PCDH11X: variants seen among roughly 807,000 people sequenced by gnomAD.
PCDH11X encodes the protein protocadherin-11 X-linked.
PCDH11X carries 18 observed loss-of-function variants against 53.3 expected under a neutral mutation model. That is an observed-to-expected ratio of 0.34 (90% CI 0.23 to 0.50). The LOEUF is 0.50. Among genes scored for constraint, PCDH11X ranks in the 20% least tolerant of loss-of-function variants. The probability of loss-of-function intolerance (pLI) is 0.98; values close to 1 mark genes in which losing one functional copy is unlikely to be tolerated. For synonymous variants in PCDH11X, 279 were observed against 393.3 expected, an observed-to-expected ratio of 0.71 and a Z score of 3.44; for missense variants, 570 against 1,032.4, an observed-to-expected ratio of 0.55 and a Z score of 6.14.
chrX:92,568,847 C>A (rs781383588), intron 10 of PCDH11X, among the ~76,000 whole-genome samples: 58 of 110,827 alleles, frequency 5.2e-4, no homozygotes, highest in Admixed American at 1.9e-3. Context: ...TTTAAAAATA[C>A]GCTACTGCAT....
At chrX:91,963,348 T>C (rs1052998422) in intron 6 of PCDH11X, among the ~76,000 whole-genome samples, 1 of 109,459 alleles carries the variant, frequency 9.1e-6, no homozygotes, top group Non-Finnish European at 1.9e-5. Context: ...CCCTAAATCA[T>C]CTCTTTCAAG....
intron 9 of PCDH11X, among the ~76,000 whole-genome samples, chrX:92,404,679 G>T (rs1008836161): frequency 1.2e-4 from 13 of 105,755 alleles, no homozygotes; most frequent in African/African-American, 3.8e-4. Context: ...GACTTTTAAG[G>T]AAAAATTATA....
At chrX:92,261,797 G>A (rs958360524) in intron 7 of PCDH11X, among the ~76,000 whole-genome samples, 2 of 111,581 alleles carry the variant, frequency 1.8e-5, no homozygotes, top group East Asian at 2.8e-4. Context: ...TTCATAATAA[G>A]GAGAGATATA....
intron 6 of PCDH11X, among the ~76,000 whole-genome samples, chrX:92,077,622 GAGGAAGGA>G (rs768755254): frequency 0.29 from 27,383 of 95,914 alleles, 3,297 homozygotes; most frequent in Admixed American, 0.37. Context: ...GGAAGGAAGG[GAGGAAGGA>G]AGGAAGGAAG....
At chrX:92,217,853 C>T (rs771348973) in intron 7 of PCDH11X, among the ~76,000 whole-genome samples, 32 of 111,356 alleles carry the variant, frequency 2.9e-4, no homozygotes, top group Middle Eastern at 9.3e-3. Context: ...AACAAACTGT[C>T]TCTCAGACCA....
rs938455699 is a variant in PCDH11X at position 92,619,669 on chromosome X, C to A, written c.*729C>A. On this transcript the variant is annotated 3_prime_UTR_variant, in exon 11 of 11. Coordinates refer to ENST00000682573, the MANE Select transcript of PCDH11X (RefSeq NM_032968.5). ...TCGAGACACAGAAGTGCAATAACTG[C>A]CCTAATTAAGCAACTATTTGTTAAA... 3 of 110,246 alleles carry A rather than the reference C, an allele frequency of 2.7e-5. No homozygotes were observed. Among genetic ancestry groups the A allele is most frequent in the Non-Finnish European group, 3.8e-5 (2 of 52,773 alleles). The allele number at this position is 110,246 out of a possible 1,213,427, so 9.1% of individuals were successfully genotyped here. A position where few individuals can be genotyped will look rare whatever the true frequency, so the allele number is the denominator to read the frequency against.
intron 6 of PCDH11X, among the ~76,000 whole-genome samples, chrX:92,084,236 G>C (rs1228404851): frequency 2.7e-5 from 3 of 110,808 alleles, no homozygotes; most frequent in African/African-American, 9.8e-5. Flanking sequence ...TTTAGTAATA[G>C]TCTAGTTTTT....
intron 6 of PCDH11X, chrX:91,983,015 T>C (rs1447230475): frequency 1.7e-6 from 2 of 1,186,745 alleles, no homozygotes; most frequent in African/African-American, 3.5e-5. Context: ...TCTGGGTCAC[T>C]CCGGACTTTG....
rs190653436 is a variant in PCDH11X at position 92,334,372 on chromosome X, A to G, written c.3145-53363A>G. Among the ~76,000 whole-genome samples the G allele has an allele frequency of 6.7e-3, 744 of 111,703 alleles. 8 individuals carry two copies. Among genetic ancestry groups the G allele is most frequent in the African/African-American group, 0.024 (724 of 30,722 alleles). ...CACTGTACTACTGTAATAATTTCATAGTCACCTCCTATTTCTATTACAGTG... is the reference window on the plus strand; with the variant it reads ...CACTGTACTACTGTAATAATTTCATGGTCACCTCCTATTTCTATTACAGTG... On this transcript the variant is annotated intron_variant, in intron 8 of 10. Coordinates refer to ENST00000682573, the MANE Select transcript of PCDH11X (RefSeq NM_032968.5).
chrX:92,225,542 T>G (rs1418980755), intron 7 of PCDH11X, among the ~76,000 whole-genome samples: 1 of 111,534 alleles, frequency 9.0e-6, no homozygotes, highest in Non-Finnish European at 1.9e-5. Flanking sequence ...ATAAGTAATA[T>G]GCTGTGTCCA....
chrX:92,116,802 G>C (rs2064648376), intron 6 of PCDH11X, among the ~76,000 whole-genome samples: 1 of 110,500 alleles, frequency 9.0e-6, no homozygotes, highest in Admixed American at 9.7e-5. Context: ...TGCCCAGGCT[G>C]GTCTTGAACT....
intron 8 of PCDH11X, among the ~76,000 whole-genome samples, chrX:92,307,221 T>C (rs2148477060): frequency 9.2e-6 from 1 of 109,164 alleles, no homozygotes; most frequent in East Asian, 2.9e-4. Flanking sequence ...CAACAAACAT[T>C]AGCAAACCAA....
intron 8 of PCDH11X, among the ~76,000 whole-genome samples, chrX:92,387,117 A>G (rs1197639172): frequency 9.3e-6 from 1 of 107,545 alleles, no homozygotes; most frequent in Non-Finnish European, 1.9e-5. Flanking sequence ...ATTTATGATG[A>G]TAACTATAAT....
At chrX:92,027,340 T>C (rs1393965346) in intron 6 of PCDH11X, among the ~76,000 whole-genome samples, 1 of 111,357 alleles carries the variant, frequency 9.0e-6, no homozygotes, top group Non-Finnish European at 1.9e-5. Context: ...TCTAAATGCG[T>C]TTACAGTAGC....
chrX:92,436,774 C>T (rs993748025), intron 9 of PCDH11X, among the ~76,000 whole-genome samples: 5 of 110,010 alleles, frequency 4.5e-5, no homozygotes, highest in Non-Finnish European at 9.5e-5. Flanking sequence ...GATGAGAACT[C>T]ATGAACAAAG....
At chrX:92,581,721 G>T (rs1923732093) in intron 10 of PCDH11X, among the ~76,000 whole-genome samples, 1 of 111,814 alleles carries the variant, frequency 8.9e-6, no homozygotes, top group Non-Finnish European at 1.9e-5. Flanking sequence ...TAAGTAACAG[G>T]CAGAGATTGG....
At chrX:92,130,650 CAAAAAA>C (rs34011848) in intron 6 of PCDH11X, among the ~76,000 whole-genome samples, 1 of 63,097 alleles carries the variant, frequency 1.6e-5, no homozygotes, top group South Asian at 8.9e-4. Context: ...AACTCTGTCT[CAAAAAA>C]AAAAAAAAAA....
intron 9 of PCDH11X, among the ~76,000 whole-genome samples, chrX:92,425,265 T>G (rs1239432791): frequency 9.0e-6 from 1 of 110,508 alleles, no homozygotes; most frequent in Non-Finnish European, 1.9e-5. Context: ...TTAGAAAGCT[T>G]TTGAAATAAT....
At chrX:92,025,348 T>A (rs1175514662) in intron 6 of PCDH11X, among the ~76,000 whole-genome samples, 2 of 103,744 alleles carry the variant, frequency 1.9e-5, no homozygotes, top group Admixed American at 2.1e-4. Flanking sequence ...AACTCACACA[T>A]ATTTACAAGA....
Sources: allele counts gnomAD v4.1 joint callset (sites outside exome capture counted in the v4.1 genomes callset), GRCh38; gene constraint gnomAD v4.1.1; transcripts MANE v1.5; gene names NCBI Gene and HGNC (gene_info 2026-07-23, HGNC 2026-07-21).